The following METTL2A variants were observed in gnomAD, a reference collection of about 807,000 sequenced individuals.
METTL2A encodes methyltransferase 2A, tRNA N3-cytidine.
In METTL2A, 45 loss-of-function variants were observed where a neutral mutation model predicts 49.4. That is an observed-to-expected ratio of 0.91 (90% CI 0.72 to 1.17). The LOEUF (loss-of-function observed/expected upper bound fraction) is 1.17. METTL2A is among the 50% of genes most tolerant of loss of function. The probability of loss-of-function intolerance (pLI) is 0.00; values close to 1 mark genes in which losing one functional copy is unlikely to be tolerated. For missense variants in METTL2A, 361 were observed against 462.2 expected (o/e 0.78, Z 2.01); for synonymous variants, 118 against 167.5 (o/e 0.70, Z 2.28).
chr17:62,431,253 G>A (rs942300539), intron 4 of METTL2A, among the ~76,000 whole-genome samples: 12 of 150,432 alleles, frequency 8.0e-5, no homozygotes, highest in African/African-American at 2.2e-4. Context: ...CACCCACGTC[G>A]GCCTCCCAAA....
chr17:62,430,447 C>T lies in METTL2A; in HGVS notation c.608+2610C>T, dbSNP rs192606244. 3.3e-4 allele frequency among the ~76,000 whole-genome samples: 51 copies of T among 152,284 alleles called. 1 individual carries two copies. Among genetic ancestry groups the T allele is most frequent in the African/African-American group, 1.2e-3 (51 of 41,564 alleles). On this transcript the variant is annotated intron_variant, in intron 4 of 8. Coordinates refer to ENST00000311506, the MANE Select transcript of METTL2A (RefSeq NM_181725.4). ...CTTAGAATTGACATGTTTTCTACTG[C>T]CTGTGAATCAGGTTTAAATTGTTGG...
intron 5 of METTL2A, 55 bp from the exon 6 acceptor site, chr17:62,440,562 T>C (rs2070732063): frequency 1.0e-5 from 16 of 1,543,500 alleles, no homozygotes; most frequent in Non-Finnish European, 1.4e-5. Context: ...GATAATCTTT[T>C]CTTTAGGCTA....
rs531534308 is a variant in METTL2A at position 62,425,828 on chromosome 17, G to A, written c.203-471G>A. Among the ~76,000 whole-genome samples, 15 of 150,796 alleles carry A rather than the reference G, an allele frequency of 9.9e-5. 1 individual carries two copies. The South Asian group carries it at 2.9e-3, about 30-fold the overall frequency. On this transcript the variant is annotated intron_variant, in intron 2 of 8. Transcript: ENST00000311506. ...ATCCTGGCTAACACGGTGAAACCCC[G>A]TCTGTACTAAAAAATACAAAAAATT...
Position 62,448,592 on chromosome 17 carries a change from T to C in METTL2A, c.1000T>C (p.Phe334Leu). ...FFTQEELDTL[F>L]TTAGLEKVQN... is the part of the protein sequence containing the mutation. ...CACACTAGAGGAACTGGACACGCTT[T>C]TCACCACTGCTGGACTGGAAAAAGT... The change falls in exon 9 of 9, where the codon TTC becomes CTC. Residue 334 changes from phenylalanine to leucine, a missense_variant. Transcript: ENST00000311506. 6.2e-6 allele frequency: 10 copies of C among 1,614,126 alleles called. No individual in the cohort carries two copies. Among genetic ancestry groups the C allele is most frequent in the Non-Finnish European group, 8.5e-6 (10 of 1,180,016 alleles).
At chr17:62,440,558 C>A in intron 5 of METTL2A, 59 bp from the exon 6 acceptor site, 1 of 1,534,776 alleles carries the variant, frequency 6.5e-7, no homozygotes, top group East Asian at 2.3e-5. Context: ...ACAAGATAAT[C>A]TTTTCTTTAG....
chr17:62,426,856 G>A (rs535996618), intron 3 of METTL2A, among the ~76,000 whole-genome samples: 4 of 152,264 alleles, frequency 2.6e-5, no homozygotes, highest in East Asian at 1.9e-4. Context: ...TAGTCATGAC[G>A]GACAAAGATC....
At position 62,448,919 on chromosome 17, in the gene METTL2A, A is replaced by G. The variant is rs1351859217; in HGVS notation, c.*190A>G. ...AGAGACCCTGTATCTGAAAGTAATA[A>G]TAAAAATAAAAAATATAAATGAGGT... On this transcript the variant is annotated 3_prime_UTR_variant, in exon 9 of 9. Transcript: ENST00000311506. The G allele has an allele frequency of 2.0e-5, 14 of 688,558 alleles. No individual in the cohort carries two copies. The highest frequency in any genetic ancestry group is 3.0e-5 in the Non-Finnish European group (14 of 468,264). 42.7% of individuals were successfully genotyped at this position (688,558 alleles called of 1,614,324 possible).
chr17:62,426,775 C>G, intron 3 of METTL2A, 121 bp downstream of exon 3: 1 of 669,962 alleles, frequency 1.5e-6, no homozygotes, highest in Non-Finnish European at 2.5e-6. Flanking sequence ...TAGACTTGAC[C>G]CTTATATTAG....
At position 62,450,675 on chromosome 17, in the gene METTL2A, A is replaced by G. The variant is rs968267844; in HGVS notation, c.*1946A>G. 7 of 151,946 alleles carry G rather than the reference A, an allele frequency of 4.6e-5. No homozygotes were observed. Among genetic ancestry groups the G allele is most frequent in the African/African-American group, 1.7e-4 (7 of 41,338 alleles). 9.4% of individuals were successfully genotyped at this position (151,946 alleles called of 1,614,324 possible). ...CCCCGTCTCCACTAAAAAATAAAAA[A>G]TCAGCCCGGCATGGCTGTGGGCGCC... On this transcript the variant is annotated 3_prime_UTR_variant, in exon 9 of 9. Coordinates refer to ENST00000311506, the MANE Select transcript of METTL2A (RefSeq NM_181725.4).
rs185702365 is a variant in METTL2A, at chr17:62,444,207, C to T, written c.810-630C>T. 1.1e-4 allele frequency among the ~76,000 whole-genome samples: 17 copies of T among 152,324 alleles called. No individual in the cohort carries two copies. In the East Asian group the frequency reaches 2.7e-3, roughly 24 times the overall value. ...GCTCAGGATTCAGCTCAGCCACAGG[C>T]GCACAGGGCAAAGATGGCTATCTAG... On this transcript the variant is annotated intron_variant, in intron 6 of 8. Coordinates refer to ENST00000311506, the MANE Select transcript of METTL2A (RefSeq NM_181725.4).
Position 62,449,385 on chromosome 17 carries a change from T to C in METTL2A, c.*656T>C, listed in dbSNP as rs1354208564. 1 of 452,856 alleles carries C rather than the reference T, an allele frequency of 2.2e-6. No homozygotes were observed. Among genetic ancestry groups the C allele is most frequent in the Non-Finnish European group, 4.4e-6 (1 of 226,152 alleles). The allele number at this position is 452,856 out of a possible 1,614,324, so 28.1% of individuals were successfully genotyped here. ...TACAGAGAGCATCAAAATGTGGTGTTCTTGTTAAGTAATTGATCGTGGTCT... is the reference window on the plus strand; with the variant it reads ...TACAGAGAGCATCAAAATGTGGTGTCCTTGTTAAGTAATTGATCGTGGTCT... On this transcript the variant is annotated 3_prime_UTR_variant, in exon 9 of 9. Coordinates refer to ENST00000311506, the MANE Select transcript of METTL2A (RefSeq NM_181725.4).
intron 6 of METTL2A, among the ~76,000 whole-genome samples, chr17:62,443,315 G>A (rs951291579): frequency 3.3e-5 from 5 of 152,202 alleles, no homozygotes; most frequent in Admixed American, 6.5e-5. Context: ...TGAGGCTGCA[G>A]TGAAGTGAGC....
chr17:62,436,728 G>A (rs2070702809), intron 5 of METTL2A, among the ~76,000 whole-genome samples: 1 of 152,090 alleles, frequency 6.6e-6, no homozygotes. Context: ...AAGGGCTGGG[G>A]TGACTGGCAA....
intron 5 of METTL2A, among the ~76,000 whole-genome samples, chr17:62,439,135 C>T (rs2070721056): frequency 6.6e-6 from 1 of 151,612 alleles, no homozygotes; most frequent in South Asian, 2.1e-4. Flanking sequence ...GGTGCCACTG[C>T]ACCCAGCTAA....
intron 4 of METTL2A, among the ~76,000 whole-genome samples, chr17:62,433,091 G>T (rs369029782): frequency 1.3e-5 from 2 of 152,194 alleles, no homozygotes; most frequent in Admixed American, 6.5e-5. Flanking sequence ...TTGTGTAAGA[G>T]ACTTGAGCTG....
chr17:62,424,006 A>G lies in METTL2A; in HGVS notation c.104A>G (p.Asn35Ser). 2.5e-6 allele frequency: 4 copies of G among 1,613,662 alleles called. No individual in the cohort carries two copies. The highest frequency in any genetic ancestry group is 2.5e-6 in the Non-Finnish European group (3 of 1,179,906). The part of the protein sequence containing the change: ...LRDPARVFHH[N>S]AWDNVEWSEE... ...GATCCGGCGCGCGTCTTCCACCACA[A>G]TGCCTGGTAATCACTCTGCCCCTTC... Residue 35 changes from asparagine to serine, a missense_variant, in exon 1 of 9, where the codon AAT (asparagine) becomes AGT (serine). By Grantham distance (46) the Asn-to-Ser change is conservative. This residue lies in a region of METTL2A where 150 missense variants were observed against 170.1 expected (regional missense o/e 0.88). Coordinates refer to ENST00000311506, the MANE Select transcript of METTL2A (RefSeq NM_181725.4).
At chr17:62,443,902 A>T (rs2070752432) in intron 6 of METTL2A, among the ~76,000 whole-genome samples, 1 of 152,108 alleles carries the variant, frequency 6.6e-6, no homozygotes, top group Non-Finnish European at 1.5e-5. Context: ...TGCAAAATTT[A>T]AATAGACTTT....
At chr17:62,438,983 T>TTTTG in intron 5 of METTL2A, among the ~76,000 whole-genome samples, 1 of 145,290 alleles carries the variant, frequency 6.9e-6, no homozygotes, top group African/African-American at 2.6e-5. Flanking sequence ...ATTTTTTTTT[T>TTTTG]TTTTTTTTTT....
In METTL2A at chr17:62,450,284, C is replaced by T. The variant is rs1156550838; in HGVS notation, c.*1555C>T. On this transcript the variant is annotated 3_prime_UTR_variant, in exon 9 of 9. Transcript: ENST00000311506. ...TTTTTTTTTTTTTTTTTTAAGGAGACAGGGCTCTCACTTTGTTGCCCAGGC... is the reference window on the plus strand; with the variant it reads ...TTTTTTTTTTTTTTTTTTAAGGAGATAGGGCTCTCACTTTGTTGCCCAGGC... The T allele has an allele frequency of 2.0e-5, 2 of 100,022 alleles. 1 individual carries two copies. Among genetic ancestry groups the T allele is most frequent in the East Asian group, 6.7e-4 (2 of 2,974 alleles). 6.2% of individuals were successfully genotyped at this position (100,022 alleles called of 1,614,324 possible). A position where few individuals can be genotyped will look rare whatever the true frequency, so the allele number is the denominator to read the frequency against.
Sources: gnomAD v4.1 joint callset for allele counts (sites outside exome capture counted in the v4.1 genomes callset) on GRCh38, gnomAD v4.1.1 for gene constraint, gnomAD v4.1.1 regional missense constraint, MANE v1.5 for transcripts, NCBI Gene and HGNC (gene_info 2026-07-23, HGNC 2026-07-21) for gene names.